Variants in SUPT3H observed in about 807,000 individuals in gnomAD.
SUPT3H encodes SPT3 homolog, SAGA and STAGA complex component.
In SUPT3H, 44 loss-of-function variants were observed where a neutral mutation model predicts 44.3. That is an observed-to-expected ratio of 0.99 (90% CI 0.78 to 1.28). The LOEUF is 1.28. Ranked by LOEUF, SUPT3H falls within the 50% of genes most tolerant of loss-of-function variation. The probability of loss-of-function intolerance (pLI) is 0.00; values close to 1 mark genes in which losing one functional copy is unlikely to be tolerated. For missense variants in SUPT3H, 380 were observed against 387.1 expected (o/e 0.98, Z 0.15); for synonymous variants, 124 against 125.6 (o/e 0.99, Z 0.09).
downstream of SUPT3H, among the ~76,000 whole-genome samples, chr6:44,823,915 A>G (rs189289032): frequency 7.4e-4 from 113 of 152,224 alleles, no homozygotes; most frequent in Admixed American, 1.4e-3. Context: ...GTGAGCTGAG[A>G]TCGAGCCATT....
At chr6:45,184,274 G>C (rs1813787924) in intron 2 of SUPT3H, among the ~76,000 whole-genome samples, 1 of 152,028 alleles carries the variant, frequency 6.6e-6, no homozygotes, top group South Asian at 2.1e-4. Flanking sequence ...CTTAAAAATG[G>C]CTAAATTATA....
chr6:45,031,701 T>A (rs1310641600), intron 3 of SUPT3H, among the ~76,000 whole-genome samples: 2 of 152,132 alleles, frequency 1.3e-5, no homozygotes, highest in African/African-American at 2.4e-5. Context: ...TAGTTTTGGT[T>A]CCATAATTAA....
At chr6:45,019,770 C>T (rs1021881813) in intron 4 of SUPT3H, among the ~76,000 whole-genome samples, 45 of 151,968 alleles carry the variant, frequency 3.0e-4, no homozygotes, top group African/African-American at 1.1e-3. Flanking sequence ...TCTAATCATA[C>T]AACCTTGAAG....
rs981373903 is a variant in SUPT3H at position 45,229,355 on chromosome 6, G to A, written c.102-123349C>T. On this transcript the variant is annotated intron_variant, in intron 2 of 10. Transcript: ENST00000371459. ...AACTACAAATCAACTTATACTGAGA[G>A]AGTTTTCTTTTGCATTCTGAAAGGT... Among the ~76,000 whole-genome samples the A allele has an allele frequency of 1.2e-4, 19 of 152,154 alleles. 1 individual carries two copies. The highest frequency in any genetic ancestry group is 1.2e-3 in the Admixed American group (18 of 15,278).
chr6:44,892,463 A>G (rs1373624621), intron 10 of SUPT3H, among the ~76,000 whole-genome samples: 1 of 152,172 alleles, frequency 6.6e-6, no homozygotes, highest in Non-Finnish European at 1.5e-5. Flanking sequence ...TCTAGAACTG[A>G]GGGAAAATAA....
At chr6:45,060,588 C>G (rs1355095434) in intron 3 of SUPT3H, among the ~76,000 whole-genome samples, 17 of 151,928 alleles carry the variant, frequency 1.1e-4, no homozygotes. Flanking sequence ...CCAAAATTGA[C>G]AAATGGGATC....
rs142104173 is a variant in SUPT3H, at chr6:44,949,424, G to A, written c.801+3886C>T. On this transcript the variant is annotated intron_variant, in intron 9 of 10. Transcript: ENST00000371459. ...ATTAAAAAAATAAATAAATGCAAGC[G>A]GAATATTGTCAAAAAAAAGAAAAAA... 1.6e-3 allele frequency among the ~76,000 whole-genome samples: 236 copies of A among 150,960 alleles called. 1 individual carries two copies. The highest frequency in any genetic ancestry group is 3.4e-3 in the Admixed American group (52 of 15,144).
chr6:44,986,945 TTTGTCAG>T (rs1466623513), intron 6 of SUPT3H, among the ~76,000 whole-genome samples: 1 of 152,146 alleles, frequency 6.6e-6, no homozygotes, highest in Non-Finnish European at 1.5e-5. Flanking sequence ...CACTGTTCCT[TTTGTCAG>T]TCTGCTGGGG....
At chr6:45,321,028 T>C (rs1299897500) in intron 2 of SUPT3H, among the ~76,000 whole-genome samples, 1 of 152,094 alleles carries the variant, frequency 6.6e-6, no homozygotes. Flanking sequence ...CAGATGCTTG[T>C]TTTGATCCTC....
intron 3 of SUPT3H, 124 bp from the exon 4 acceptor site, chr6:45,020,756 C>A (rs1785013054): frequency 3.6e-6 from 2 of 563,240 alleles, no homozygotes; most frequent in Admixed American, 3.7e-5. Flanking sequence ...ATCCAGCAAT[C>A]ACATTACTGC....
At chr6:45,211,741 C>A (rs939184536) in intron 2 of SUPT3H, among the ~76,000 whole-genome samples, 49 of 152,030 alleles carry the variant, frequency 3.2e-4, no homozygotes, top group Non-Finnish European at 1.0e-4. Flanking sequence ...CCCAGCTACA[C>A]GGGAGGCTGA....
At chr6:45,279,488 A>T (rs1185862365) in intron 2 of SUPT3H, among the ~76,000 whole-genome samples, 5 of 152,104 alleles carry the variant, frequency 3.3e-5, no homozygotes, top group Non-Finnish European at 7.3e-5. Flanking sequence ...TCCTCCTGAG[A>T]GTAAGTTCTG....
At chr6:44,973,306 G>T (rs1331903258) in intron 6 of SUPT3H, among the ~76,000 whole-genome samples, 1 of 152,138 alleles carries the variant, frequency 6.6e-6, no homozygotes, top group African/African-American at 2.4e-5. Context: ...AAAAAATGCT[G>T]CCAGTCTCTT....
intron 10 of SUPT3H, among the ~76,000 whole-genome samples, chr6:44,909,142 C>CGTGT (rs34494107): frequency 0.097 from 14,283 of 146,934 alleles, 702 homozygotes; most frequent in Middle Eastern, 0.13. Flanking sequence ...TGTGTGTGTG[C>CGTGT]GTGTGTGTGT....
intron 3 of SUPT3H, among the ~76,000 whole-genome samples, chr6:45,025,530 G>C (rs1320814228): frequency 6.6e-6 from 1 of 152,104 alleles, no homozygotes; most frequent in African/African-American, 2.4e-5. Context: ...TTTGCATTTG[G>C]CTGGGGCCCA....
chr6:44,845,185 A>T (rs967942694), intron 10 of SUPT3H, among the ~76,000 whole-genome samples: 10 of 152,216 alleles, frequency 6.6e-5, no homozygotes. Flanking sequence ...TCATTTTGGC[A>T]AACATTTATT....
intron 10 of SUPT3H, among the ~76,000 whole-genome samples, chr6:44,900,530 C>G (rs912291869): frequency 7.2e-5 from 11 of 152,216 alleles, no homozygotes; most frequent in Non-Finnish European, 1.0e-4. Context: ...CCAGGAAGCT[C>G]GAACTGGGTG....
chr6:45,226,796 T>G (rs1026397007), intron 2 of SUPT3H, among the ~76,000 whole-genome samples: 91 of 152,138 alleles, frequency 6.0e-4, no homozygotes, highest in Middle Eastern at 6.8e-3. Context: ...CCTAAAGTGC[T>G]GGGATTACAG....
At chr6:45,314,053 C>T (rs1391221007) in intron 2 of SUPT3H, among the ~76,000 whole-genome samples, 4 of 152,156 alleles carry the variant, frequency 2.6e-5, no homozygotes, top group African/African-American at 4.8e-5. Flanking sequence ...ACACAATCAT[C>T]TCAATCGATG....
Sources: gnomAD v4.1 joint callset for allele counts (sites outside exome capture counted in the v4.1 genomes callset) on GRCh38, gnomAD v4.1.1 for gene constraint, MANE v1.5 for transcripts, NCBI Gene and HGNC (gene_info 2026-07-23, HGNC 2026-07-21) for gene names.